Variants in USP47 observed in about 807,000 individuals in gnomAD.
USP47 encodes the protein ubiquitin specific peptidase 47, also known as ubiquitin carboxyl-terminal hydrolase 47.
A neutral mutation model predicts 165.1 loss-of-function variants in USP47; 35 were observed. The ratio of observed to expected loss-of-function variants is 0.21; its 90% CI spans 0.16 to 0.28. The LOEUF is 0.28. Ranked by LOEUF, USP47 falls within the 10% of genes least tolerant of loss-of-function variation. The probability of loss-of-function intolerance (pLI) is 1.00; values close to 1 mark genes in which losing one functional copy is unlikely to be tolerated. For synonymous variants in USP47, 531 were observed against 544.5 expected (o/e 0.98, Z 0.35); for missense variants, 1,277 against 1,607.4 (o/e 0.79, Z 3.52).
chr11:11,842,331 G>GT (rs1274612294), intron 1 of USP47, 107 bp downstream of exon 1: 10 of 1,314,836 alleles, frequency 7.6e-6, no homozygotes, highest in African/African-American at 7.6e-5. Flanking sequence ...AGGCTCGGCT[G>GT]TGGGGGAATG....
intron 15 of USP47, 88 bp from the exon 16 acceptor site, chr11:11,933,741 CAG>C: frequency 1.2e-6 from 1 of 844,710 alleles, no homozygotes; most frequent in South Asian, 1.6e-5. Context: ...TAAAAAATTG[CAG>C]TATTTTGACA....
At chr11:11,916,559 G>T (rs1853431553) in intron 8 of USP47, among the ~76,000 whole-genome samples, 1 of 150,952 alleles carries the variant, frequency 6.6e-6, no homozygotes, top group Non-Finnish European at 1.5e-5. Context: ...TAGAAGTGAA[G>T]AATAAATTAA....
chr11:11,858,316 T>G (rs768132268), intron 1 of USP47, among the ~76,000 whole-genome samples: 1 of 152,198 alleles, frequency 6.6e-6, no homozygotes. Flanking sequence ...CAGAAACTCA[T>G]TAAGTTACTT....
At chr11:11,875,609 CT>C (rs1005501619) in intron 1 of USP47, among the ~76,000 whole-genome samples, 21 of 150,420 alleles carry the variant, frequency 1.4e-4, no homozygotes, top group Admixed American at 4.6e-4. Context: ...ATTCTTTCTA[CT>C]TTTTTTTTTC....
Position 11,942,789 on chromosome 11 carries a change from G to A in USP47, c.2768G>A (p.Arg923Gln), listed in dbSNP as rs1236508359. 8 of 1,613,432 alleles carry A rather than the reference G, an allele frequency of 5.0e-6. No individual in the cohort carries two copies. The highest frequency in any genetic ancestry group is 1.3e-5 in the African/African-American group (1 of 74,878). Residue 923 changes from arginine (R) to glutamine (Q), a missense_variant, in exon 20 of 28, where the codon CGA (arginine) becomes CAA (glutamine). Physicochemically the swap from Arg to Gln is conservative, Grantham distance 43. Around this residue, in one of 4 missense-constraint regions of USP47, gnomAD observed 909 missense variants for 1,068.1 expected, o/e 0.85. Coordinates refer to ENST00000527733, the MANE Select transcript of USP47 (RefSeq NM_001282659.2). ...CCAGAAAATTTTCAGTCTGAAGAAC[G>A]ATCAGACTCAGATGTGAATAATGAC... ...SDPENFQSEE[R>Q]SDSDVNNDRS...
At chr11:11,851,129 A>G (rs1393368271) in intron 1 of USP47, among the ~76,000 whole-genome samples, 1 of 152,226 alleles carries the variant, frequency 6.6e-6, no homozygotes, top group Non-Finnish European at 1.5e-5. Context: ...TTTCCCAGAC[A>G]AAATTTCTCA....
chr11:11,873,847 GA>G, intron 1 of USP47: 1 of 1,489,906 alleles, frequency 6.7e-7, no homozygotes, highest in Non-Finnish European at 8.9e-7. Context: ...AAATGAAGAA[GA>G]AATTTTTACA....
rs1331961674 is a variant in USP47 at position 11,948,415 on chromosome 11, G to C, written c.3268-63G>C. 2.1e-6 allele frequency: 3 copies of C among 1,409,660 alleles called. No individual in the cohort carries two copies. In the East Asian group the frequency reaches 6.9e-5, roughly 32 times the overall value. 87.3% of individuals were successfully genotyped at this position (1,409,660 alleles called of 1,614,324 possible). A position where few individuals can be genotyped will look rare whatever the true frequency, so the allele number is the denominator to read the frequency against. The stretch of plus-strand genomic sequence containing the variant: ...AGTATTTTGGAAAGTTTAAAAATGG[G>C]ATGAGAATGGGTTGTTTATTCTGCT... On this transcript the variant is annotated intron_variant, in intron 21 of 27. Coordinates refer to ENST00000527733, the MANE Select transcript of USP47 (RefSeq NM_001282659.2).
intron 2 of USP47, among the ~76,000 whole-genome samples, chr11:11,881,959 G>C (rs1312290051): frequency 6.6e-6 from 1 of 152,106 alleles, no homozygotes; most frequent in East Asian, 1.9e-4. Flanking sequence ...TTTTGCATGG[G>C]AGTGTGGTTA....
chr11:11,870,897 T>A (rs963262835), intron 1 of USP47, among the ~76,000 whole-genome samples: 1 of 152,226 alleles, frequency 6.6e-6, no homozygotes, highest in Non-Finnish European at 1.5e-5. Flanking sequence ...ACTTATTTTT[T>A]TTCTCTTCAT....
intron 25 of USP47, among the ~76,000 whole-genome samples, chr11:11,953,305 G>A (rs1281193679): frequency 2.0e-5 from 3 of 152,150 alleles, no homozygotes; most frequent in Non-Finnish European, 4.4e-5. Context: ...GGGTGAATTA[G>A]TCAATCTGTG....
Position 11,948,463 on chromosome 11 carries a change from GT to G in USP47, c.3268-10del. On this transcript the variant is annotated splice_polypyrimidine_tract_variant and intron_variant, in intron 21 of 27. Coordinates refer to ENST00000527733, the MANE Select transcript of USP47 (RefSeq NM_001282659.2). Reference sequence around the variant, plus strand: ...GCTGAGACAGCATGTCTAAAAAAATGTTTTTAACTTATAGATTACAATTAGA... The same window carrying G: ...GCTGAGACAGCATGTCTAAAAAAATGTTTTAACTTATAGATTACAATTAGA... The G allele has an allele frequency of 6.2e-7, 1 of 1,600,186 alleles. No individual in the cohort carries two copies. Among genetic ancestry groups the G allele is most frequent in the Non-Finnish European group, 8.6e-7 (1 of 1,168,190 alleles).
At chr11:11,952,186 G>A (rs1856268172) in intron 24 of USP47, 1 of 152,222 alleles carries the variant, frequency 6.6e-6, no homozygotes, top group South Asian at 2.1e-4. Context: ...AAAATAATAG[G>A]TACTAAGGGA....
At chr11:11,897,137 CAG>C (rs1226072218) in intron 4 of USP47, among the ~76,000 whole-genome samples, 5 of 150,482 alleles carry the variant, frequency 3.3e-5, no homozygotes, top group Admixed American at 6.7e-5. Flanking sequence ...GGCTTGATGA[CAG>C]GGGTAACTGG....
intron 10 of USP47, 35 bp from the exon 11 acceptor site, chr11:11,922,689 A>G: frequency 1.3e-6 from 2 of 1,572,776 alleles, no homozygotes; most frequent in East Asian, 2.3e-5. Context: ...TTCTCTGTAT[A>G]TGGTTTATAA....
rs1463426114 is a variant in USP47 at position 11,957,279 on chromosome 11, G to A, written c.*1104G>A. ...TCTTAACATTGTTCTGAATAAACTT[G>A]CTAATGAGGTCAGGTCATGGTACAG... is the stretch of plus-strand genomic sequence containing the variant. On this transcript the variant is annotated 3_prime_UTR_variant, in exon 28 of 28. Transcript: ENST00000527733. 1 of 152,308 alleles carries A rather than the reference G, an allele frequency of 6.6e-6. No individual in the cohort carries two copies. Among genetic ancestry groups the A allele is most frequent in the Non-Finnish European group, 1.5e-5 (1 of 68,042 alleles). 9.4% of individuals were successfully genotyped at this position (152,308 alleles called of 1,614,324 possible).
intron 8 of USP47, among the ~76,000 whole-genome samples, chr11:11,908,149 A>G (rs1280393714): frequency 1.3e-5 from 2 of 152,210 alleles, no homozygotes; most frequent in Non-Finnish European, 2.9e-5. Context: ...GTGCACGCAC[A>G]TGTACACACT....
At chr11:11,858,993 T>A (rs1849222760) in intron 1 of USP47, among the ~76,000 whole-genome samples, 1 of 152,214 alleles carries the variant, frequency 6.6e-6, no homozygotes. Context: ...GAATTCTGGT[T>A]GTTCTGTATC....
intron 16 of USP47, 135 bp downstream of exon 16, chr11:11,934,070 G>A (rs1391032678): frequency 9.3e-6 from 6 of 644,506 alleles, no homozygotes; most frequent in Non-Finnish European, 1.6e-5. Flanking sequence ...ATCTCTTACC[G>A]AGTATATTTA....
Sources: allele counts gnomAD v4.1 joint callset (sites outside exome capture counted in the v4.1 genomes callset), GRCh38; gene constraint gnomAD v4.1.1; regional missense constraint gnomAD v4.1.1; transcripts MANE v1.5; gene names NCBI Gene and HGNC (gene_info 2026-07-23, HGNC 2026-07-21).